CPS1: variants seen among roughly 807,000 people sequenced by gnomAD.
CPS1 encodes the protein carbamoyl-phosphate synthase 1.
In CPS1, 109 loss-of-function variants were observed where a neutral mutation model predicts 174.6. The ratio of observed to expected loss-of-function variants is 0.62; its 90% confidence interval spans 0.53 to 0.73. The LOEUF is 0.73. Ranked by LOEUF, CPS1 falls within the 30% of genes least tolerant of loss-of-function variation. CPS1 has a pLI of 0.00. For synonymous variants in CPS1, 637 were observed against 632.0 expected (o/e 1.01, Z -0.12); for missense variants, 1,689 against 1,821.9 (o/e 0.93, Z 1.33).
chr2:210,663,297 G>C, intron 33 of CPS1, 100 bp downstream of exon 33: 1 of 1,138,266 alleles, frequency 8.8e-7, no homozygotes, highest in Non-Finnish European at 1.3e-6. Flanking sequence ...AAAAACATCT[G>C]CTATCAGAGT....
At chr2:210,568,308 A>C (rs1697366556) in intron 1 of CPS1, among the ~76,000 whole-genome samples, 1 of 152,080 alleles carries the variant, frequency 6.6e-6, no homozygotes, top group South Asian at 2.1e-4. Context: ...GGTATTCCAT[A>C]TAGAGAGCGA....
At chr2:210,672,184 T>G (rs1701329146) in intron 34 of CPS1, 1 of 152,206 alleles carries the variant, frequency 6.6e-6, no homozygotes, top group African/African-American at 2.4e-5. Flanking sequence ...GACCACAGTT[T>G]GAGAACCACT....
At chr2:210,556,482 T>A, upstream of CPS1, 1 of 986,828 alleles carries the variant, frequency 1.0e-6, no homozygotes, top group Non-Finnish European at 1.5e-6. Context: ...GTATTTGATG[T>A]GTTGCAATTT....
intron 1 of CPS1, among the ~76,000 whole-genome samples, chr2:210,566,242 C>A (rs1697297143): frequency 6.6e-6 from 1 of 152,070 alleles, no homozygotes; most frequent in Non-Finnish European, 1.5e-5. Flanking sequence ...TCTATGTTAT[C>A]TAGAAATTGA....
At chr2:210,556,889 A>C in intron 1 of CPS1, 30 bp downstream of exon 1, 1 of 1,610,832 alleles carries the variant, frequency 6.2e-7, no homozygotes, top group Non-Finnish European at 8.5e-7. Flanking sequence ...TTTCTGATAA[A>C]ATACTATGGG....
intron 11 of CPS1, 143 bp downstream of exon 11, chr2:210,593,099 TA>T (rs1471454081): frequency 7.4e-6 from 6 of 815,806 alleles, no homozygotes; most frequent in Non-Finnish European, 6.1e-6. Flanking sequence ...CATTTTGTAT[TA>T]AAATCTCCCC....
chr2:210,505,693 C>A (rs1695260260), intron 1 of CPS1, among the ~76,000 whole-genome samples: 1 of 152,198 alleles, frequency 6.6e-6, no homozygotes, highest in Admixed American at 6.5e-5. Context: ...CCCACCCTAA[C>A]ACTTTGCTTT....
chr2:210,516,723 G>T (rs1320095809), intron 1 of CPS1, among the ~76,000 whole-genome samples: 1 of 151,886 alleles, frequency 6.6e-6, no homozygotes. Flanking sequence ...TGGGCTACTG[G>T]ATCAGGTCTT....
intron 22 of CPS1, 60 bp downstream of exon 22, chr2:210,637,903 G>A: frequency 6.3e-7 from 1 of 1,584,644 alleles, no homozygotes; most frequent in South Asian, 1.1e-5. Flanking sequence ...GTAAAACGTA[G>A]GCACCCATTC....
intron 1 of CPS1, among the ~76,000 whole-genome samples, chr2:210,491,598 C>T (rs1440265030): frequency 6.6e-6 from 1 of 152,104 alleles, no homozygotes; most frequent in Non-Finnish European, 1.5e-5. Context: ...GAGGCATGAG[C>T]CACCGCACCT....
At chr2:210,675,462 G>A (rs1216887349) in intron 35 of CPS1, among the ~76,000 whole-genome samples, 2 of 152,226 alleles carry the variant, frequency 1.3e-5, no homozygotes, top group South Asian at 4.1e-4. Context: ...AATTGTCATT[G>A]AATTATTAAA....
chr2:210,556,722 C>G lies in CPS1; in HGVS notation c.-12C>G, dbSNP rs1230411824. ...ATGTAATTTCATTTAATTTTAGCCA[C>G]AAATCATCAAAATGACGAGGATTTT... is the stretch of plus-strand genomic sequence containing the variant. On this transcript the variant is annotated 5_prime_UTR_variant, in exon 1 of 38. Coordinates refer to ENST00000233072, the MANE Select transcript of CPS1 (RefSeq NM_001875.5). 1 of 1,572,504 alleles carries G rather than the reference C, an allele frequency of 6.4e-7. No individual in the cohort carries two copies. The highest frequency in any genetic ancestry group is 1.7e-5 in the African/African-American group (1 of 59,906).
chr2:210,480,351 G>C (rs1191425833), intron 1 of CPS1, among the ~76,000 whole-genome samples: 1 of 152,206 alleles, frequency 6.6e-6, no homozygotes. Flanking sequence ...GTTCTCTGCT[G>C]AACAGCTATG....
chr2:210,491,756 A>G (rs1694883205), intron 1 of CPS1, among the ~76,000 whole-genome samples: 1 of 152,118 alleles, frequency 6.6e-6, no homozygotes, highest in African/African-American at 2.4e-5. Flanking sequence ...AGCCCTGGTG[A>G]GTTTCAGATA....
At chr2:210,570,433 GC>G (rs1345307990) in intron 1 of CPS1, among the ~76,000 whole-genome samples, 1 of 151,858 alleles carries the variant, frequency 6.6e-6, no homozygotes, top group Non-Finnish European at 1.5e-5. Flanking sequence ...ATTTTCTTAT[GC>G]TAATTTTTAC....
At chr2:210,540,515 C>G (rs1260387398) in intron 1 of CPS1, among the ~76,000 whole-genome samples, 1 of 152,092 alleles carries the variant, frequency 6.6e-6, no homozygotes, top group Non-Finnish European at 1.5e-5. Context: ...TGTATAATGA[C>G]AAATCATGCT....
rs1040421325 is a variant in CPS1 at position 210,527,159 on chromosome 2, C to T, written c.4-29560C>T. Reference sequence around the variant, plus strand: ...TTAATAATACTTTGCTGTATTTCTCCACATATTTCTCTATGTTCATAAGAT... The same window carrying T: ...TTAATAATACTTTGCTGTATTTCTCTACATATTTCTCTATGTTCATAAGAT... On this transcript the variant is annotated intron_variant, in intron 1 of 38. Transcript: ENST00000430249. Among the ~76,000 whole-genome samples, 5 of 151,378 alleles carry T rather than the reference C, an allele frequency of 3.3e-5. No homozygotes were observed. In the East Asian group the frequency reaches 7.8e-4, roughly 24 times the overall value.
intron 34 of CPS1, chr2:210,672,733 A>G (rs1473149848): frequency 6.6e-6 from 1 of 152,128 alleles, no homozygotes; most frequent in Non-Finnish European, 1.5e-5. Flanking sequence ...ATGAAAAGCT[A>G]CTTTCCTGGG....
intron 28 of CPS1, among the ~76,000 whole-genome samples, chr2:210,653,076 A>G (rs1700606680): frequency 6.6e-6 from 1 of 152,174 alleles, no homozygotes; most frequent in South Asian, 2.1e-4. Flanking sequence ...ATATTCAGAG[A>G]AGGATTCAGG....
Sources: allele counts gnomAD v4.1 joint callset (sites outside exome capture counted in the v4.1 genomes callset), GRCh38; gene constraint gnomAD v4.1.1; transcripts MANE v1.5; gene names NCBI Gene and HGNC (gene_info 2026-07-23, HGNC 2026-07-21).